Variants in ROBO2 observed in about 807,000 individuals in gnomAD.
ROBO2 encodes roundabout guidance receptor 2, also known as roundabout homolog 2.
ROBO2 carries 53 observed loss-of-function variants against 160.8 expected under a neutral mutation model. That is an observed-to-expected ratio of 0.33 (90% confidence interval 0.26 to 0.41). The LOEUF is 0.41. ROBO2 is among the 10% of genes least tolerant of loss of function. ROBO2 has a pLI of 1.00. For synonymous variants in ROBO2, 664 were observed against 611.7 expected, an observed-to-expected ratio of 1.09 and a Z score of -1.26; for missense variants, 1,577 against 1,722.4, an observed-to-expected ratio of 0.92 and a Z score of 1.49.
intron 4 of ROBO2, among the ~76,000 whole-genome samples, chr3:77,483,340 G>C (rs1443187254): frequency 6.6e-6 from 1 of 151,844 alleles, no homozygotes; most frequent in East Asian, 1.9e-4. Flanking sequence ...TCTGTATCTT[G>C]GCTCCCTATT....
At chr3:77,290,861 G>T (rs1244041867) in intron 2 of ROBO2, among the ~76,000 whole-genome samples, 1 of 71,338 alleles carries the variant, frequency 1.4e-5, no homozygotes, top group South Asian at 6.7e-4. Context: ...GATCACTAAA[G>T]ACATAAAGTA....
intron 2 of ROBO2, among the ~76,000 whole-genome samples, chr3:76,976,316 C>T (rs1301365767): frequency 6.6e-6 from 1 of 152,172 alleles, no homozygotes; most frequent in Non-Finnish European, 1.5e-5. Context: ...TTATTTTTAA[C>T]TCTATGAAAT....
At chr3:76,701,668 A>G (rs895577556) in intron 2 of ROBO2, among the ~76,000 whole-genome samples, 1 of 152,020 alleles carries the variant, frequency 6.6e-6, no homozygotes, top group Non-Finnish European at 1.5e-5. Flanking sequence ...ATTCTGGCCC[A>G]ATTTCCTTTA....
chr3:77,256,094 T>C (rs1038936469), intron 2 of ROBO2, among the ~76,000 whole-genome samples: 7 of 152,204 alleles, frequency 4.6e-5, no homozygotes, highest in African/African-American at 1.4e-4. Flanking sequence ...CACCTAATTG[T>C]CAACAGTTCA....
At chr3:77,338,675 C>T (rs1162670574) in intron 2 of ROBO2, among the ~76,000 whole-genome samples, 1 of 151,936 alleles carries the variant, frequency 6.6e-6, no homozygotes, top group African/African-American at 2.4e-5. Context: ...TTCAAATATG[C>T]TTCAAATGGT....
intron 2 of ROBO2, among the ~76,000 whole-genome samples, chr3:76,178,947 T>C (rs1270283456): frequency 6.6e-6 from 1 of 151,918 alleles, no homozygotes; most frequent in African/African-American, 2.4e-5. Flanking sequence ...ATCTCAAAAA[T>C]ATAAATAAAT....
At chr3:77,620,001 G>C (rs922799545) in intron 22 of ROBO2, among the ~76,000 whole-genome samples, 4 of 152,198 alleles carry the variant, frequency 2.6e-5, no homozygotes, top group African/African-American at 9.6e-5. Flanking sequence ...CCCACACTTA[G>C]AAGAGTGTCC....
At chr3:76,743,919 G>A (rs903626037) in intron 2 of ROBO2, among the ~76,000 whole-genome samples, 2 of 152,122 alleles carry the variant, frequency 1.3e-5, no homozygotes, top group South Asian at 4.1e-4. Context: ...TAGTTCTAAT[G>A]GAATGGGGAC....
intron 2 of ROBO2, among the ~76,000 whole-genome samples, chr3:77,222,683 T>C (rs1249461484): frequency 1.3e-5 from 2 of 152,218 alleles, no homozygotes; most frequent in Non-Finnish European, 2.9e-5. Context: ...AACTTTTCTT[T>C]AATGTGTTTA....
Position 76,042,435 on chromosome 3 carries a change from G to C in ROBO2, c.109+104833G>C, listed in dbSNP as rs373740589. Among the ~76,000 whole-genome samples the C allele has an allele frequency of 4.2e-4, 64 of 151,916 alleles. 1 individual carries two copies. The highest frequency in any genetic ancestry group is 1.3e-4 in the Non-Finnish European group (9 of 68,014). ...TTGTTTAAAGACTATGTGACACTTA[G>C]GAGGCATTTTAATGCAGTATTTTAT... On this transcript the variant is annotated intron_variant, in intron 2 of 26. Coordinates refer to the ROBO2 transcript ENST00000487694.
chr3:77,444,297 C>T (rs1177405218), intron 2 of ROBO2, among the ~76,000 whole-genome samples: 1 of 152,066 alleles, frequency 6.6e-6, no homozygotes. Flanking sequence ...GGAATATAAA[C>T]TTTTTATCGT....
chr3:77,025,974 A>C (rs2062939373), intron 2 of ROBO2, among the ~76,000 whole-genome samples: 1 of 152,190 alleles, frequency 6.6e-6, no homozygotes, highest in African/African-American at 2.4e-5. Context: ...AATTGCATTC[A>C]TTACGATTGC....
chr3:76,505,997 C>T (rs1277751969), intron 2 of ROBO2, among the ~76,000 whole-genome samples: 5 of 152,098 alleles, frequency 3.3e-5, no homozygotes, highest in Non-Finnish European at 7.4e-5. Context: ...TTTTGAAAAG[C>T]ACTGATGAAG....
chr3:77,329,290 A>G (rs1473910083), intron 2 of ROBO2, among the ~76,000 whole-genome samples: 1 of 152,258 alleles, frequency 6.6e-6, no homozygotes, highest in African/African-American at 2.4e-5. Flanking sequence ...ACGTGTGGCT[A>G]CAGTTCTATC....
At chr3:76,165,345 C>CG (rs2072793858) in intron 2 of ROBO2, among the ~76,000 whole-genome samples, 1 of 78,906 alleles carries the variant, frequency 1.3e-5, no homozygotes, top group East Asian at 2.7e-4. Flanking sequence ...GCTGGCTTCC[C>CG]ATTTTTTTTT....
chr3:76,399,078 A>T (rs1205576092), intron 2 of ROBO2, among the ~76,000 whole-genome samples: 1 of 151,858 alleles, frequency 6.6e-6, no homozygotes, highest in Non-Finnish European at 1.5e-5. Context: ...TTCAGTCCAT[A>T]TTAGGCACGC....
At chr3:76,971,032 T>C (rs1051961251) in intron 2 of ROBO2, among the ~76,000 whole-genome samples, 4 of 152,208 alleles carry the variant, frequency 2.6e-5, no homozygotes, top group Non-Finnish European at 4.4e-5. Context: ...TCTGTCTGAT[T>C]CTTTATCCAT....
intron 2 of ROBO2, among the ~76,000 whole-genome samples, chr3:77,471,343 G>A (rs773914367): frequency 3.6e-4 from 55 of 152,214 alleles, no homozygotes; most frequent in Admixed American, 1.3e-3. Context: ...AAAGATATAA[G>A]CTCTAAAATC....
In ROBO2 at chr3:77,282,427, A is replaced by G. The variant is rs1053474975; in HGVS notation, c.388+184087A>G. 2.0e-5 allele frequency among the ~76,000 whole-genome samples: 3 copies of G among 152,108 alleles called. No homozygotes were observed. In the East Asian group the frequency reaches 5.8e-4, roughly 29 times the overall value. On this transcript the variant is annotated intron_variant, in intron 2 of 25. Transcript: ENST00000461745. ...AGTGACCAGAATAATAAAATTTATTACACAGGTTACTTCCTTTAGAGGTTC... is the reference window on the plus strand; with the variant it reads ...AGTGACCAGAATAATAAAATTTATTGCACAGGTTACTTCCTTTAGAGGTTC...
Sources: allele counts gnomAD v4.1 joint callset (sites outside exome capture counted in the v4.1 genomes callset), GRCh38; gene constraint gnomAD v4.1.1; transcripts MANE v1.5; gene names NCBI Gene and HGNC (gene_info 2026-07-23, HGNC 2026-07-21).